Variants in TECRL observed in about 807,000 individuals in gnomAD.
The protein encoded by TECRL is trans-2,3-enoyl-CoA reductase like, also known as trans-2,3-enoyl-CoA reductase-like.
TECRL carries 63 observed loss-of-function variants against 52.8 expected under a neutral mutation model. That is an observed-to-expected ratio of 1.19 (90% confidence interval 0.97 to 1.47). The LOEUF is 1.47. Among genes scored for constraint, TECRL ranks in the 40% most tolerant of loss-of-function variants. The probability of loss-of-function intolerance (pLI) is 0.00; values close to 1 mark genes in which losing one functional copy is unlikely to be tolerated. For missense variants in TECRL, 482 were observed against 429.6 expected (o/e 1.12, Z -1.08); for synonymous variants, 164 against 141.9 (o/e 1.16, Z -1.10).
intron 6 of TECRL, among the ~76,000 whole-genome samples, chr4:64,306,878 A>G (rs183305878): frequency 1.5e-4 from 23 of 152,308 alleles, no homozygotes; most frequent in Non-Finnish European, 1.3e-4. Context: ...CCTCTCTTTC[A>G]AACCTCTGTC....
intron 1 of TECRL, among the ~76,000 whole-genome samples, chr4:64,387,251 T>C (rs1396718740): frequency 6.6e-6 from 1 of 152,150 alleles, no homozygotes; most frequent in Non-Finnish European, 1.5e-5. Context: ...AATAGCTTAT[T>C]TCTCTTTAGT....
chr4:64,328,531 A>G lies in TECRL; in HGVS notation c.312T>C (p.Val104=), dbSNP rs776513662. Residue 104 remains valine, a synonymous_variant, in exon 3 of 12, where the codon GTT becomes GTC. Coordinates refer to ENST00000381210, the MANE Select transcript of TECRL (RefSeq NM_001010874.5). ...KACPKWYPSR[V]GLQLECGGPF... is the part of the protein sequence containing the mutation. The stretch of plus-strand genomic sequence containing the variant: ...TCTTACCACATTCTAGCTGCAGACC[A>G]ACTCGAGAAGGGTACCACTTTGGAC... The G allele has an allele frequency of 4.3e-6, 7 of 1,611,760 alleles. No homozygotes were observed. In the East Asian group the frequency reaches 1.6e-4, roughly 36 times the overall value.
chr4:64,351,997 G>A (rs976759880), intron 2 of TECRL, among the ~76,000 whole-genome samples: 1 of 81,216 alleles, frequency 1.2e-5, no homozygotes, highest in Non-Finnish European at 3.5e-5. Context: ...GGCCTACCTA[G>A]CCCTGAAAAG....
At chr4:64,374,872 A>T (rs558753367) in intron 2 of TECRL, among the ~76,000 whole-genome samples, 1 of 152,234 alleles carries the variant, frequency 6.6e-6, no homozygotes, top group Admixed American at 6.6e-5. Flanking sequence ...CAATAAACAT[A>T]CATGTGCATG....
At chr4:64,404,146 T>C (rs1578004269) in intron 1 of TECRL, among the ~76,000 whole-genome samples, 1 of 150,716 alleles carries the variant, frequency 6.6e-6, no homozygotes, top group South Asian at 2.1e-4. Flanking sequence ...TTTTTACTAT[T>C]AGAAGAATTA....
chr4:64,408,200 C>T (rs563742284), intron 1 of TECRL, among the ~76,000 whole-genome samples: 128 of 151,958 alleles, frequency 8.4e-4, no homozygotes, highest in African/African-American at 3.0e-3. Flanking sequence ...TAAACAGCTT[C>T]TTTTTTCCTT....
At chr4:64,290,187 C>A (rs540010229) in intron 8 of TECRL, among the ~76,000 whole-genome samples, 18 of 152,222 alleles carry the variant, frequency 1.2e-4, no homozygotes, top group African/African-American at 4.3e-4. Context: ...TGATTTCCAG[C>A]TAGTTTCAGC....
chr4:64,380,311 T>G (rs2034728696), intron 1 of TECRL, among the ~76,000 whole-genome samples: 1 of 152,088 alleles, frequency 6.6e-6, no homozygotes, highest in Non-Finnish European at 1.5e-5. Context: ...GTTCTGAATA[T>G]TAGTCCCTCG....
chr4:64,288,159 A>G (rs554831846), intron 9 of TECRL, among the ~76,000 whole-genome samples: 41 of 152,198 alleles, frequency 2.7e-4, no homozygotes, highest in African/African-American at 8.4e-4. Flanking sequence ...TAAAAAAAAA[A>G]AAAAGAAAAG....
chr4:64,378,438 G>A (rs1378309041), intron 1 of TECRL, among the ~76,000 whole-genome samples: 1 of 152,022 alleles, frequency 6.6e-6, no homozygotes, highest in African/African-American at 2.4e-5. Flanking sequence ...ATGGAGGGGT[G>A]TGTCTGTAGT....
intron 2 of TECRL, among the ~76,000 whole-genome samples, chr4:64,345,384 G>C (rs1719879601): frequency 6.6e-6 from 1 of 151,942 alleles, no homozygotes; most frequent in Non-Finnish European, 1.5e-5. Context: ...AAAATGATGA[G>C]TTCATGTCCT....
chr4:64,401,092 G>A (rs549707269), intron 1 of TECRL, among the ~76,000 whole-genome samples: 4 of 152,062 alleles, frequency 2.6e-5, no homozygotes, highest in Non-Finnish European at 4.4e-5. Flanking sequence ...TTTCTTCTCC[G>A]TTTTATAGAA....
intron 1 of TECRL, among the ~76,000 whole-genome samples, chr4:64,382,583 A>G (rs984858107): frequency 2.0e-5 from 3 of 151,456 alleles, no homozygotes; most frequent in African/African-American, 7.3e-5. Flanking sequence ...CTTCATTTTC[A>G]GTCTATATAT....
At chr4:64,395,444 ACACGATCACAATGTGTTATAT>A (rs1166850974) in intron 1 of TECRL, among the ~76,000 whole-genome samples, 1 of 152,142 alleles carries the variant, frequency 6.6e-6, no homozygotes, top group Admixed American at 6.6e-5. Context: ...GGAACAACTA[ACACGATCACAATGTGTTATAT>A]TTAAGTACAC....
chr4:64,302,852 G>A (rs1039889309), intron 7 of TECRL, among the ~76,000 whole-genome samples: 1 of 151,158 alleles, frequency 6.6e-6, no homozygotes, highest in African/African-American at 2.4e-5. Flanking sequence ...GCTGAAAACA[G>A]CTTTAATATA....
chr4:64,395,470 G>T (rs879560894), intron 1 of TECRL, among the ~76,000 whole-genome samples: 1 of 152,064 alleles, frequency 6.6e-6, no homozygotes, highest in Non-Finnish European at 1.5e-5. Context: ...TTATATTTAA[G>T]TACACACTAA....
chr4:64,299,487 C>A (rs1171465420), intron 8 of TECRL, among the ~76,000 whole-genome samples: 1 of 150,948 alleles, frequency 6.6e-6, no homozygotes, highest in Non-Finnish European at 1.5e-5. Context: ...GATTTCCACA[C>A]AATTTTATCT....
intron 2 of TECRL, among the ~76,000 whole-genome samples, chr4:64,373,496 C>T (rs183665898): frequency 7.2e-5 from 11 of 151,770 alleles, no homozygotes; most frequent in East Asian, 1.9e-4. Flanking sequence ...ATAGAAAACG[C>T]GTTCCTTTAA....
chr4:64,383,514 T>C (rs1195818675), intron 1 of TECRL, among the ~76,000 whole-genome samples: 5 of 152,050 alleles, frequency 3.3e-5, no homozygotes, highest in Non-Finnish European at 7.4e-5. Flanking sequence ...TTAGAAATTC[T>C]TTCTTCTGCT....
Sources: allele counts gnomAD v4.1 joint callset (sites outside exome capture counted in the v4.1 genomes callset), GRCh38; gene constraint gnomAD v4.1.1; transcripts MANE v1.5; gene names NCBI Gene and HGNC (gene_info 2026-07-23, HGNC 2026-07-21).